Variants in NEK1 observed in about 807,000 individuals in gnomAD.
The protein encoded by NEK1 is serine/threonine-protein kinase Nek1.
In NEK1, 137 loss-of-function variants were observed where a neutral mutation model predicts 182.1. The observed-to-expected ratio is 0.75, with a 90% CI of 0.65 to 0.87. The LOEUF (loss-of-function observed/expected upper bound fraction) is 0.87, where lower values mean the gene tolerates loss of function less well. NEK1 is among the 40% of genes least tolerant of loss of function. NEK1 has a pLI of 0.00. For missense variants in NEK1, 1,391 were observed against 1,494.4 expected (o/e 0.93, Z 1.14); for synonymous variants, 513 against 492.2 (o/e 1.04, Z -0.56).
intron 12 of NEK1, among the ~76,000 whole-genome samples, chr4:169,565,122 A>G (rs1641928222): frequency 6.6e-6 from 1 of 152,222 alleles, no homozygotes; most frequent in South Asian, 2.1e-4. Context: ...TTACGTTACC[A>G]CTTTACCTCA....
chr4:169,471,526 G>A (rs189754128), intron 26 of NEK1, among the ~76,000 whole-genome samples: 215 of 152,266 alleles, frequency 1.4e-3, no homozygotes, highest in African/African-American at 5.0e-3. Flanking sequence ...CCCGCCAGAT[G>A]CCAGCTGAAG....
intron 32 of NEK1, among the ~76,000 whole-genome samples, chr4:169,404,946 A>G (rs1030454916): frequency 2.0e-5 from 3 of 152,306 alleles, no homozygotes; most frequent in African/African-American, 7.2e-5. Flanking sequence ...ATCCAATTAC[A>G]TGCAGAAAAC....
intron 27 of NEK1, among the ~76,000 whole-genome samples, chr4:169,454,003 C>A (rs748813681): frequency 6.6e-6 from 1 of 152,138 alleles, no homozygotes; most frequent in Non-Finnish European, 1.5e-5. Flanking sequence ...TAGAACAGAA[C>A]AGAGGCTTCA....
chr4:169,447,770 G>A (rs1246301169), intron 27 of NEK1, among the ~76,000 whole-genome samples: 2 of 152,124 alleles, frequency 1.3e-5, no homozygotes, highest in Non-Finnish European at 2.9e-5. Flanking sequence ...TCGGGAGGCT[G>A]AGGCAGGAGA....
intron 5 of NEK1, 120 bp downstream of exon 5, chr4:169,598,980 A>G: frequency 1.4e-6 from 1 of 705,826 alleles, no homozygotes. Context: ...CTATTGATAT[A>G]CTAAACTTCC....
chr4:169,431,936 C>T (rs1178686407), intron 29 of NEK1, among the ~76,000 whole-genome samples: 1 of 151,822 alleles, frequency 6.6e-6, no homozygotes, highest in Non-Finnish European at 1.5e-5. Flanking sequence ...AAACCACACA[C>T]ACACACACAC....
At chr4:169,587,816 T>C (rs1024349657) in intron 8 of NEK1, among the ~76,000 whole-genome samples, 13 of 152,186 alleles carry the variant, frequency 8.5e-5, no homozygotes, top group African/African-American at 1.2e-4. Flanking sequence ...AACAATTACT[T>C]TGAAGCTTCA....
intron 31 of NEK1, among the ~76,000 whole-genome samples, chr4:169,412,051 T>C (rs1035358480): frequency 1.3e-5 from 2 of 152,254 alleles, no homozygotes; most frequent in Non-Finnish European, 2.9e-5. Context: ...CCAATTAGAA[T>C]GGCTCCATGA....
intron 27 of NEK1, among the ~76,000 whole-genome samples, chr4:169,444,526 T>A (rs1230516047): frequency 6.6e-6 from 1 of 152,052 alleles, no homozygotes; most frequent in Non-Finnish European, 1.5e-5. Context: ...AAGAAGGTCA[T>A]TACATAATGA....
rs187137299 is a variant in NEK1, at chr4:169,499,287, T to C, written c.2007+7750A>G. ...AAGGACTTCTCTACACTGGTTATTCTAGTTAGCCATTCATCTAATTTTTTT... is the reference window on the plus strand; with the variant it reads ...AAGGACTTCTCTACACTGGTTATTCCAGTTAGCCATTCATCTAATTTTTTT... On this transcript the variant is annotated intron_variant, in intron 23 of 35. Coordinates refer to ENST00000507142, the MANE Select transcript of NEK1 (RefSeq NM_001199397.3). Among the ~76,000 whole-genome samples the C allele has an allele frequency of 4.0e-3, 601 of 149,560 alleles. 5 individuals carry two copies. Among genetic ancestry groups the C allele is most frequent in the South Asian group, 0.03 (144 of 4,786 alleles).
chr4:169,426,445 G>A (rs1353968142), intron 29 of NEK1, among the ~76,000 whole-genome samples: 2 of 152,132 alleles, frequency 1.3e-5, no homozygotes, highest in Admixed American at 6.5e-5. Flanking sequence ...ATCATTCACA[G>A]CAACCAGGCT....
At chr4:169,451,023 T>A (rs1028754727) in intron 27 of NEK1, among the ~76,000 whole-genome samples, 1 of 151,722 alleles carries the variant, frequency 6.6e-6, no homozygotes, top group African/African-American at 2.4e-5. Flanking sequence ...GCAACAAAGA[T>A]CAAAAGAGAC....
chr4:169,455,920 C>T (rs1742796039), intron 27 of NEK1, among the ~76,000 whole-genome samples: 1 of 152,158 alleles, frequency 6.6e-6, no homozygotes, highest in Admixed American at 6.5e-5. Context: ...GGCTTCTTCT[C>T]CTCAGTACAT....
chr4:169,469,896 CT>C (rs1190035982), intron 26 of NEK1, among the ~76,000 whole-genome samples: 1 of 147,522 alleles, frequency 6.8e-6, no homozygotes, highest in Non-Finnish European at 1.5e-5. Flanking sequence ...CTTTTTTGAT[CT>C]TTGTTGCTTT....
intron 27 of NEK1, among the ~76,000 whole-genome samples, chr4:169,451,221 G>T (rs1741690019): frequency 6.6e-6 from 1 of 152,124 alleles, no homozygotes. Context: ...ATATTAGACA[G>T]ATCAACGAGA....
chr4:169,419,877 A>C (rs1187047578), intron 31 of NEK1, among the ~76,000 whole-genome samples: 1 of 152,176 alleles, frequency 6.6e-6, no homozygotes, highest in Non-Finnish European at 1.5e-5. Context: ...TAGTCAAAAT[A>C]CCATATAAAA....
intron 18 of NEK1, among the ~76,000 whole-genome samples, chr4:169,539,368 T>C (rs1261707728): frequency 6.6e-6 from 1 of 152,212 alleles, no homozygotes; most frequent in South Asian, 2.1e-4. Context: ...GCCCCATTTA[T>C]ATAAGGCTGG....
At chr4:169,416,082 C>T (rs1038445359) in intron 31 of NEK1, among the ~76,000 whole-genome samples, 1 of 152,210 alleles carries the variant, frequency 6.6e-6, no homozygotes, top group Non-Finnish European at 1.5e-5. Flanking sequence ...CCCACAGATT[C>T]GAAAACTAAG....
chr4:169,477,605 G>T, intron 24 of NEK1, 108 bp from the exon 25 acceptor site: 1 of 789,618 alleles, frequency 1.3e-6, no homozygotes, highest in South Asian at 2.1e-5. Flanking sequence ...TTTGTTCCTT[G>T]TAAATTTTTT....
Sources: gnomAD v4.1 joint callset for allele counts (sites outside exome capture counted in the v4.1 genomes callset) on GRCh38, gnomAD v4.1.1 for gene constraint, MANE v1.5 for transcripts, NCBI Gene and HGNC (gene_info 2026-07-23, HGNC 2026-07-21) for gene names.